The following PCDHA2 variants were observed in gnomAD, a reference collection of about 807,000 sequenced individuals.
PCDHA2 encodes protocadherin alpha-2.
PCDHA2 carries 58 observed loss-of-function variants against 66.0 expected under a neutral mutation model. That is an observed-to-expected ratio of 0.88 (90% CI 0.71 to 1.09). The LOEUF (loss-of-function observed/expected upper bound fraction) is 1.09. PCDHA2 is among the 50% of genes least tolerant of loss of function. The pLI, the probability that PCDHA2 is intolerant of heterozygous loss-of-function variation, is 0.00. For synonymous variants in PCDHA2, 634 were observed against 554.0 expected (o/e 1.14, Z -2.03); for missense variants, 1,267 against 1,242.3 (o/e 1.02, Z -0.30).
rs968965849 is a variant in PCDHA2, at chr5:140,805,251, A to G, written c.2388+7899A>G. 2.9e-5 allele frequency: 38 copies of G among 1,306,518 alleles called. No individual in the cohort carries two copies. The South Asian group carries it at 9.0e-4, about 31-fold the overall frequency. 80.9% of individuals were successfully genotyped at this position (1,306,518 alleles called of 1,614,324 possible). On this transcript the variant is annotated intron_variant, in intron 1 of 3. Transcript: ENST00000526136. Reference sequence around the variant, plus strand: ...GCTGCATTCCCCATCTGTACATTAAAATACCTGGTAAATGAAAATATTACA... The same window carrying G: ...GCTGCATTCCCCATCTGTACATTAAGATACCTGGTAAATGAAAATATTACA...
At chr5:140,849,566 T>C in intron 1 of PCDHA2, 2 of 1,598,556 alleles carry the variant, frequency 1.3e-6, no homozygotes, top group Non-Finnish European at 1.7e-6. Flanking sequence ...CGCTCTCGGT[T>C]CCTGTAAAAG....
chr5:140,835,340 A>G (rs1371030036), intron 1 of PCDHA2: 2 of 1,613,678 alleles, frequency 1.2e-6, no homozygotes, highest in Admixed American at 1.7e-5. Context: ...ACAAGATCCC[A>G]GTCGAGGCTG....
At chr5:140,849,747 G>C (rs2150448012) in intron 1 of PCDHA2, 5 of 1,598,444 alleles carry the variant, frequency 3.1e-6, no homozygotes, top group Non-Finnish European at 4.3e-6. Context: ...CCGCGAGAGT[G>C]TGTCCGCCTA....
chr5:140,874,953 G>C (rs2055192015), intron 1 of PCDHA2, among the ~76,000 whole-genome samples: 1 of 152,212 alleles, frequency 6.6e-6, no homozygotes, highest in Admixed American at 6.5e-5. Flanking sequence ...GGAATTGTAA[G>C]CTATATAAGG....
chr5:140,875,151 A>G (rs1219163731), intron 1 of PCDHA2, among the ~76,000 whole-genome samples: 1 of 152,220 alleles, frequency 6.6e-6, no homozygotes, highest in Non-Finnish European at 1.5e-5. Flanking sequence ...ATGATCCGTG[A>G]AAAATAACCC....
At chr5:141,008,557 T>G (rs1394611167) in intron 3 of PCDHA2, among the ~76,000 whole-genome samples, 3 of 152,218 alleles carry the variant, frequency 2.0e-5, no homozygotes, top group African/African-American at 7.2e-5. Flanking sequence ...CTCCTGTGGA[T>G]GCATAATCAT....
chr5:140,911,884 C>A (rs1283685498), intron 1 of PCDHA2, among the ~76,000 whole-genome samples: 1 of 152,050 alleles, frequency 6.6e-6, no homozygotes, highest in Non-Finnish European at 1.5e-5. Flanking sequence ...CTCCTGGGAC[C>A]AAAATCTGTA....
chr5:140,877,371 G>C, intron 1 of PCDHA2: 2 of 1,613,994 alleles, frequency 1.2e-6, no homozygotes, highest in Non-Finnish European at 8.5e-7. Context: ...AGATCAGCAC[G>C]ACACGCATCC....
At chr5:140,850,689 T>C in intron 1 of PCDHA2, 4 of 1,594,932 alleles carry the variant, frequency 2.5e-6, no homozygotes, top group South Asian at 1.1e-5. Flanking sequence ...CGAGGGCGAG[T>C]GCGCGCCTGG....
intron 1 of PCDHA2, chr5:140,812,771 C>T (rs1189411783): frequency 1.3e-5 from 2 of 152,154 alleles, no homozygotes; most frequent in Non-Finnish European, 2.9e-5. Flanking sequence ...CTTAATATTC[C>T]TTCTTAGTAC....
intron 1 of PCDHA2, among the ~76,000 whole-genome samples, chr5:140,888,250 G>A (rs2061753546): frequency 6.6e-6 from 1 of 152,128 alleles, no homozygotes; most frequent in African/African-American, 2.4e-5. Flanking sequence ...CTTTAAAGCA[G>A]TAGTTCTTGA....
At chr5:140,990,134 CAA>C (rs2097375582) in intron 3 of PCDHA2, among the ~76,000 whole-genome samples, 2 of 151,958 alleles carry the variant, frequency 1.3e-5, no homozygotes, top group Non-Finnish European at 2.9e-5. Flanking sequence ...AAGTCAGACT[CAA>C]GAGGCATAAT....
chr5:140,976,505 C>A (rs538128648), intron 1 of PCDHA2, among the ~76,000 whole-genome samples: 1 of 152,004 alleles, frequency 6.6e-6, no homozygotes, highest in Non-Finnish European at 1.5e-5. Flanking sequence ...GAGCCAAGAT[C>A]GCGCCACTGC....
intron 1 of PCDHA2, among the ~76,000 whole-genome samples, chr5:140,964,379 C>T (rs2095828218): frequency 6.6e-6 from 1 of 152,130 alleles, no homozygotes; most frequent in Non-Finnish European, 1.5e-5. Flanking sequence ...AAAGGAGAGT[C>T]CTGGTTTTTC....
At chr5:140,804,977 T>A in intron 1 of PCDHA2, 1 of 1,501,798 alleles carries the variant, frequency 6.7e-7, no homozygotes, top group South Asian at 1.3e-5. Context: ...AGTGTGTCCA[T>A]CTCAGGTCAG....
At chr5:141,004,495 C>T (rs1363359146) in intron 3 of PCDHA2, among the ~76,000 whole-genome samples, 14 of 152,182 alleles carry the variant, frequency 9.2e-5, no homozygotes, top group Admixed American at 9.2e-4. Flanking sequence ...TCTTGGCAGT[C>T]CTGCTGTGAG....
intron 1 of PCDHA2, chr5:140,808,014 A>T (rs1764082406): frequency 1.9e-6 from 3 of 1,613,822 alleles, no homozygotes; most frequent in South Asian, 2.2e-5. Flanking sequence ...TTGAATGGGG[A>T]CATTGTTTAT....
chr5:140,801,481 T>C (rs782568249), intron 1 of PCDHA2: 1 of 1,614,008 alleles, frequency 6.2e-7, no homozygotes, highest in Non-Finnish European at 8.5e-7. Flanking sequence ...CGCGAGGAAC[T>C]GTGCGGGCGG....
intron 1 of PCDHA2, chr5:140,801,933 A>C: frequency 6.2e-7 from 1 of 1,614,226 alleles, no homozygotes; most frequent in Non-Finnish European, 8.5e-7. Context: ...TGAGAGGACG[A>C]TCTATAAAGT....
Sources: gnomAD v4.1 joint callset for allele counts (sites outside exome capture counted in the v4.1 genomes callset) on GRCh38, gnomAD v4.1.1 for gene constraint, MANE v1.5 for transcripts, NCBI Gene and HGNC (gene_info 2026-07-23, HGNC 2026-07-21) for gene names.